Variants in MOXD1 observed in about 807,000 individuals in gnomAD.
MOXD1 encodes DBH-like monooxygenase protein 1.
MOXD1 carries 62 observed loss-of-function variants against 66.6 expected under a neutral mutation model. The ratio of observed to expected loss-of-function variants is 0.93; its 90% CI spans 0.76 to 1.15. The LOEUF (loss-of-function observed/expected upper bound fraction) is 1.15. Ranked by LOEUF, MOXD1 falls within the 50% of genes most tolerant of loss-of-function variation. MOXD1 has a pLI of 0.00. For synonymous variants in MOXD1, 303 were observed against 281.9 expected, an observed-to-expected ratio of 1.07 and a Z score of -0.75; for missense variants, 847 against 754.6, an observed-to-expected ratio of 1.12 and a Z score of -1.44.
At chr6:132,390,769 A>G (rs1271948058) in intron 1 of MOXD1, 2 of 151,544 alleles carry the variant, frequency 1.3e-5, no homozygotes, top group Non-Finnish European at 3.0e-5. Flanking sequence ...TATCACGAGA[A>G]TTGCATGAGA....
At chr6:132,395,424 C>A (rs1367162625) in intron 1 of MOXD1, among the ~76,000 whole-genome samples, 6 of 151,872 alleles carry the variant, frequency 4.0e-5, no homozygotes, top group African/African-American at 1.2e-4. Context: ...TACAGAAAAA[C>A]CACAAAACCA....
chr6:132,341,973 T>A (rs1775572399), intron 4 of MOXD1, among the ~76,000 whole-genome samples: 2 of 151,852 alleles, frequency 1.3e-5, no homozygotes, highest in Non-Finnish European at 2.9e-5. Context: ...GAAACTCAGT[T>A]ACTTTAGTTA....
intron 1 of MOXD1, among the ~76,000 whole-genome samples, chr6:132,383,827 T>C (rs938445787): frequency 3.9e-5 from 6 of 152,172 alleles, no homozygotes; most frequent in Non-Finnish European, 4.4e-5. Context: ...TCCAGCACTT[T>C]GGGAGGCCAA....
chr6:132,361,587 A>C (rs1776019557), intron 4 of MOXD1, among the ~76,000 whole-genome samples: 1 of 152,078 alleles, frequency 6.6e-6, no homozygotes, highest in African/African-American at 2.4e-5. Flanking sequence ...ATATATATAA[A>C]ACAGTTATTT....
At chr6:132,304,446 T>C (rs1234375067) in intron 10 of MOXD1, among the ~76,000 whole-genome samples, 2 of 152,204 alleles carry the variant, frequency 1.3e-5, no homozygotes, top group East Asian at 3.8e-4. Context: ...TTCAATGCTT[T>C]AGCCTTGAAT....
intron 4 of MOXD1, among the ~76,000 whole-genome samples, chr6:132,351,322 C>T (rs1172298063): frequency 3.9e-5 from 6 of 152,008 alleles, no homozygotes; most frequent in Admixed American, 3.9e-4. Flanking sequence ...TCCTTGTATG[C>T]CGACTTTGCT....
At chr6:132,357,354 T>G (rs1273958357) in intron 4 of MOXD1, among the ~76,000 whole-genome samples, 1 of 152,124 alleles carries the variant, frequency 6.6e-6, no homozygotes, top group Non-Finnish European at 1.5e-5. Flanking sequence ...AAAAAAGAAC[T>G]TAGTTCTCTA....
intron 4 of MOXD1, among the ~76,000 whole-genome samples, chr6:132,362,599 G>GA (rs1416975908): frequency 6.6e-6 from 1 of 152,128 alleles, no homozygotes; most frequent in African/African-American, 2.4e-5. Flanking sequence ...ACTGCCAAGT[G>GA]AAAAATGTTA....
intron 4 of MOXD1, among the ~76,000 whole-genome samples, chr6:132,332,749 G>A (rs1454610790): frequency 1.3e-5 from 2 of 152,308 alleles, no homozygotes; most frequent in East Asian, 3.9e-4. Context: ...ATCCCCTGAT[G>A]GAGGCTGCTC....
At chr6:132,344,877 A>G (rs1003795956) in intron 4 of MOXD1, among the ~76,000 whole-genome samples, 13 of 152,174 alleles carry the variant, frequency 8.5e-5, no homozygotes, top group African/African-American at 3.1e-4. Flanking sequence ...TTCATCACTC[A>G]GTAAAACTCT....
intron 4 of MOXD1, among the ~76,000 whole-genome samples, chr6:132,332,632 C>T (rs990948258): frequency 6.6e-6 from 1 of 152,086 alleles, no homozygotes; most frequent in Non-Finnish European, 1.5e-5. Flanking sequence ...GTACTTTGAT[C>T]AGTGCAGGAC....
chr6:132,320,972 GTTC>G (rs556131958), intron 8 of MOXD1, among the ~76,000 whole-genome samples: 6 of 152,238 alleles, frequency 3.9e-5, no homozygotes, highest in African/African-American at 1.2e-4. Context: ...GATAAAAATT[GTTC>G]TTATTTTTGG....
rs748807138 is a variant in MOXD1 at position 132,353,129 on chromosome 6, G to A, written c.663+19479C>T. Among the ~76,000 whole-genome samples, 16 of 152,114 alleles carry A rather than the reference G, an allele frequency of 1.1e-4. No individual in the cohort carries two copies. In the East Asian group the frequency reaches 1.9e-3, roughly 18 times the overall value. On this transcript the variant is annotated intron_variant, in intron 4 of 11. Coordinates refer to ENST00000367963, the MANE Select transcript of MOXD1 (RefSeq NM_015529.4). ...TATCTTTTAAGTGGAGCACTTAGGCGATTTACATTCAATGTAGTATTGAGA... is the reference window on the plus strand; with the variant it reads ...TATCTTTTAAGTGGAGCACTTAGGCAATTTACATTCAATGTAGTATTGAGA...
intron 4 of MOXD1, among the ~76,000 whole-genome samples, chr6:132,359,157 T>A (rs986763449): frequency 1.5e-4 from 22 of 151,656 alleles, no homozygotes; most frequent in African/African-American, 5.3e-4. Context: ...TCTTGCTCTG[T>A]CTCCCAGACT....
Position 132,369,261 on chromosome 6 carries a change from G to A in MOXD1, c.663+3347C>T, listed in dbSNP as rs117717440. On this transcript the variant is annotated intron_variant, in intron 4 of 11. Coordinates refer to ENST00000367963, the MANE Select transcript of MOXD1 (RefSeq NM_015529.4). ...GTATAGGCTCAATGCTTTCTAGTGC[G>A]GCACGTTGCTGTCAATCGGAAAACG... 4.8e-3 allele frequency among the ~76,000 whole-genome samples: 732 copies of A among 152,102 alleles called. 3 individuals are homozygous for A. Among genetic ancestry groups the A allele is most frequent in the Non-Finnish European group, 7.5e-3 (512 of 67,964 alleles).
Position 132,296,953 on chromosome 6 carries a change from TAAC to T in MOXD1, c.*197_*199del, listed in dbSNP as rs1226856321. The T allele has an allele frequency of 4.1e-6, 2 of 490,422 alleles. No individual in the cohort carries two copies. The highest frequency in any genetic ancestry group is 7.2e-6 in the Non-Finnish European group (2 of 279,108). 30.4% of individuals were successfully genotyped at this position (490,422 alleles called of 1,614,324 possible). A position where few individuals can be genotyped will look rare whatever the true frequency, so the allele number is the denominator to read the frequency against. The stretch of plus-strand genomic sequence containing the variant: ...TTTTATTTTATTGACCATGTATATA[TAAC>T]ATCAGATATTTCTAAGAAAGAGAAG... On this transcript the variant is annotated 3_prime_UTR_variant, in exon 12 of 12. Transcript: ENST00000367963.
chr6:132,377,989 G>A lies in MOXD1; in HGVS notation c.265-3212C>T, dbSNP rs1248760791. Among the ~76,000 whole-genome samples, 7 of 152,192 alleles carry A rather than the reference G, an allele frequency of 4.6e-5. No homozygotes were observed. In the South Asian group the frequency reaches 6.2e-4, roughly 14 times the overall value. Reference sequence around the variant, plus strand: ...CTAAAAATACAAAAACTAGCCGCGCGTGGTGGCAGGTGCCTGTAATCCCAA... The same window carrying A: ...CTAAAAATACAAAAACTAGCCGCGCATGGTGGCAGGTGCCTGTAATCCCAA... On this transcript the variant is annotated intron_variant, in intron 1 of 11. Transcript: ENST00000367963.
chr6:132,353,767 T>A (rs371057937), intron 4 of MOXD1, among the ~76,000 whole-genome samples: 2 of 152,228 alleles, frequency 1.3e-5, no homozygotes, highest in East Asian at 3.8e-4. Context: ...TTCCAAACTT[T>A]TAGATTCCTT....
At chr6:132,381,548 GA>G (rs920070609) in intron 1 of MOXD1, among the ~76,000 whole-genome samples, 11 of 149,662 alleles carry the variant, frequency 7.3e-5, no homozygotes, top group East Asian at 5.9e-4. Context: ...AATAGAAGGA[GA>G]AAAAAAAAGC....
Sources: gnomAD v4.1 joint callset for allele counts (sites outside exome capture counted in the v4.1 genomes callset) on GRCh38, gnomAD v4.1.1 for gene constraint, MANE v1.5 for transcripts, NCBI Gene and HGNC (gene_info 2026-07-23, HGNC 2026-07-21) for gene names.